Variants in SMAD1 observed in about 807,000 individuals in gnomAD.
SMAD1 encodes the protein MAD, mothers against decapentaplegic homolog 1.
In SMAD1, 6 loss-of-function variants were observed where a neutral mutation model predicts 41.6. The ratio of observed to expected loss-of-function variants is 0.14; its 90% CI spans 0.08 to 0.28. SMAD1 has a LOEUF of 0.28. Ranked by LOEUF, SMAD1 falls within the 10% of genes least tolerant of loss-of-function variation. The pLI, the probability that SMAD1 is intolerant of heterozygous loss-of-function variation, is 1.00. For synonymous variants in SMAD1, 206 were observed against 203.2 expected, an observed-to-expected ratio of 1.01 and a Z score of -0.12; for missense variants, 379 against 582.6, an observed-to-expected ratio of 0.65 and a Z score of 3.60.
At chr4:145,506,500 G>A (rs1481009277) in intron 1 of SMAD1, among the ~76,000 whole-genome samples, 1 of 151,982 alleles carries the variant, frequency 6.6e-6, no homozygotes, top group Non-Finnish European at 1.5e-5. Context: ...TTTAATGGGA[G>A]CATTTATTTT....
At chr4:145,522,474 GC>G (rs2126449527) in intron 2 of SMAD1, among the ~76,000 whole-genome samples, 1 of 151,760 alleles carries the variant, frequency 6.6e-6, no homozygotes, top group South Asian at 2.1e-4. Context: ...GTGGTGCACG[GC>G]CTGTAATCCC....
chr4:145,505,349 A>G (rs1043513819), intron 1 of SMAD1, among the ~76,000 whole-genome samples: 1 of 152,218 alleles, frequency 6.6e-6, no homozygotes, highest in Non-Finnish European at 1.5e-5. Context: ...TAATATTGCC[A>G]GTTAATATTG....
At chr4:145,557,285 A>C (rs979164955) in intron 6 of SMAD1, among the ~76,000 whole-genome samples, 2 of 152,204 alleles carry the variant, frequency 1.3e-5, no homozygotes, top group African/African-American at 2.4e-5. Context: ...AGCTTTTTGG[A>C]TACTTGAATG....
chr4:145,523,250 A>G (rs1319252141), intron 2 of SMAD1, among the ~76,000 whole-genome samples: 1 of 152,196 alleles, frequency 6.6e-6, no homozygotes, highest in Non-Finnish European at 1.5e-5. Flanking sequence ...AGAGGTGTGG[A>G]CAGAGACTGC....
intron 1 of SMAD1, chr4:145,484,420 G>C (rs144992285): frequency 1.3e-5 from 2 of 152,290 alleles, no homozygotes; most frequent in Non-Finnish European, 2.9e-5. Flanking sequence ...GGATGACATG[G>C]GGTCAGCCTG....
chr4:145,487,037 A>C (rs1235504179), intron 1 of SMAD1, among the ~76,000 whole-genome samples: 1 of 152,216 alleles, frequency 6.6e-6, no homozygotes, highest in Non-Finnish European at 1.5e-5. Context: ...TAGGAATCAA[A>C]TCTGACAACC....
At chr4:145,510,428 T>C (rs1730015206) in intron 1 of SMAD1, among the ~76,000 whole-genome samples, 1 of 152,182 alleles carries the variant, frequency 6.6e-6, no homozygotes, top group African/African-American at 2.4e-5. Flanking sequence ...AGCCACATCC[T>C]GCATTTTTGA....
At chr4:145,549,958 G>A (rs959979334) in intron 5 of SMAD1, among the ~76,000 whole-genome samples, 3 of 152,080 alleles carry the variant, frequency 2.0e-5, no homozygotes, top group African/African-American at 4.8e-5. Flanking sequence ...CATACTTTTC[G>A]TTAAACTCTA....
At chr4:145,512,540 CATT>C (rs1025182312) in intron 1 of SMAD1, among the ~76,000 whole-genome samples, 4 of 152,148 alleles carry the variant, frequency 2.6e-5, no homozygotes, top group African/African-American at 9.7e-5. Context: ...TTTAAAGTCT[CATT>C]AGTTATATTT....
Position 145,492,675 on chromosome 4 carries a change from G to T in SMAD1, c.-177+10637G>T, listed in dbSNP as rs546105546. On this transcript the variant is annotated intron_variant, in intron 1 of 6. Coordinates refer to ENST00000302085, the MANE Select transcript of SMAD1 (RefSeq NM_005900.3). Reference sequence around the variant, plus strand: ...TTCAGCCCCTTGCCCCCTCCCTTGAGGTTGGAGGGTGGGGCTGAAAGTCTC... The same window carrying T: ...TTCAGCCCCTTGCCCCCTCCCTTGATGTTGGAGGGTGGGGCTGAAAGTCTC... 2.6e-5 allele frequency among the ~76,000 whole-genome samples: 4 copies of T among 152,320 alleles called. No individual in the cohort carries two copies. In the South Asian group the frequency reaches 8.3e-4, roughly 32 times the overall value.
At chr4:145,481,014 T>C (rs576025194), upstream of SMAD1, among the ~76,000 whole-genome samples, 13 of 151,762 alleles carry the variant, frequency 8.6e-5, no homozygotes, top group Non-Finnish European at 1.6e-4. Flanking sequence ...TTATGCAAGA[T>C]TTTATGCAGC....
In SMAD1 at chr4:145,558,081, A is replaced by AC. The variant is rs1553952142; in HGVS notation, c.*147_*148insC. ...ACTGTTGGATTCAGAAATTTAAACAAAAAAAAAAAAAAACACACACACCTT... is the reference window on the plus strand; with the variant it reads ...ACTGTTGGATTCAGAAATTTAAACAACAAAAAAAAAAAAACACACACACCTT... On this transcript the variant is annotated 3_prime_UTR_variant, in exon 7 of 7. Transcript: ENST00000302085. The AC allele has an allele frequency of 1.9e-4, 63 of 338,324 alleles. No homozygotes were observed. Among genetic ancestry groups the AC allele is most frequent in the Admixed American group, 4.6e-4 (10 of 21,766 alleles). The allele number at this position is 338,324 out of a possible 1,614,324, so 21.0% of individuals were successfully genotyped here.
Position 145,518,420 on chromosome 4 carries a change from C to T in SMAD1, c.400+3407C>T, listed in dbSNP as rs911424389. Among the ~76,000 whole-genome samples the T allele has an allele frequency of 4.1e-5, 5 of 122,464 alleles. 2 individuals carry two copies. The highest frequency in any genetic ancestry group is 4.0e-5 in the Non-Finnish European group (2 of 50,016). The allele number at this position is 122,464 out of a possible 152,430, so 80.3% of individuals were successfully genotyped here. A position where few individuals can be genotyped will look rare whatever the true frequency, so the allele number is the denominator to read the frequency against. On this transcript the variant is annotated intron_variant, in intron 2 of 6. Coordinates refer to ENST00000302085, the MANE Select transcript of SMAD1 (RefSeq NM_005900.3). The stretch of plus-strand genomic sequence containing the variant: ...AGAAAAATCACTTGAACCTGAGAGG[C>T]GCAGGTTGTAGTGAGCCAAGATCAT...
intron 2 of SMAD1, among the ~76,000 whole-genome samples, chr4:145,521,858 A>G (rs1483192998): frequency 6.6e-6 from 1 of 151,320 alleles, no homozygotes; most frequent in Non-Finnish European, 1.5e-5. Flanking sequence ...TTAAAACTGC[A>G]TGTGAATCTA....
At chr4:145,535,011 T>TA (rs1451166537) in intron 2 of SMAD1, among the ~76,000 whole-genome samples, 1 of 152,114 alleles carries the variant, frequency 6.6e-6, no homozygotes, top group Non-Finnish European at 1.5e-5. Flanking sequence ...TTGTTTTTTT[T>TA]AATGAAGGAT....
intron 1 of SMAD1, among the ~76,000 whole-genome samples, chr4:145,499,355 G>A (rs115156299): frequency 0.014 from 2,080 of 152,302 alleles, 65 homozygotes; most frequent in African/African-American, 0.047. Context: ...AGGCATGGTG[G>A]TTCATGCCAG....
intron 1 of SMAD1, among the ~76,000 whole-genome samples, chr4:145,503,689 C>T (rs560302618): frequency 5.3e-5 from 8 of 152,294 alleles, no homozygotes; most frequent in South Asian, 4.1e-4. Flanking sequence ...TTCCTTATAA[C>T]GTTGATGAGA....
chr4:145,552,581 C>T (rs1732609516), intron 5 of SMAD1, among the ~76,000 whole-genome samples: 1 of 152,028 alleles, frequency 6.6e-6, no homozygotes, highest in Non-Finnish European at 1.5e-5. Flanking sequence ...GGTGATAGTT[C>T]AGTGAGATCT....
intron 2 of SMAD1, among the ~76,000 whole-genome samples, chr4:145,519,628 TG>T (rs1560742864): frequency 1.4e-5 from 2 of 145,168 alleles, no homozygotes; most frequent in African/African-American, 5.2e-5. Context: ...CACTCCAGCC[TG>T]GGTAAGAGAG....
Sources: allele counts gnomAD v4.1 joint callset (sites outside exome capture counted in the v4.1 genomes callset), GRCh38; gene constraint gnomAD v4.1.1; transcripts MANE v1.5; gene names NCBI Gene and HGNC (gene_info 2026-07-23, HGNC 2026-07-21).